Variants in KCNIP1 observed in about 807,000 individuals in gnomAD.
KCNIP1 encodes potassium voltage-gated channel interacting protein 1, also known as A-type potassium channel modulatory protein KCNIP1.
In KCNIP1, 18 loss-of-function variants were observed where a neutral mutation model predicts 33.0. That is an observed-to-expected ratio of 0.55 (90% confidence interval 0.38 to 0.81). The LOEUF (loss-of-function observed/expected upper bound fraction) is 0.81. KCNIP1 is among the 30% of genes least tolerant of loss of function. The pLI is 0.00. For missense variants in KCNIP1, 238 were observed against 271.6 expected (o/e 0.88, Z 0.87); for synonymous variants, 93 against 98.3 (o/e 0.95, Z 0.32).
intron 1 of KCNIP1, among the ~76,000 whole-genome samples, chr5:170,403,760 G>A (rs1286849150): frequency 2.6e-5 from 4 of 152,160 alleles, no homozygotes; most frequent in African/African-American, 7.2e-5. Flanking sequence ...AGGAAGAACC[G>A]AACTATAGTT....
intron 1 of KCNIP1, among the ~76,000 whole-genome samples, chr5:170,471,602 C>T (rs1303273119): frequency 6.6e-6 from 1 of 152,182 alleles, no homozygotes; most frequent in African/African-American, 2.4e-5. Flanking sequence ...CTCCACATGC[C>T]AGTCTGCAAG....
At chr5:170,465,719 C>T (rs1037043447) in intron 1 of KCNIP1, among the ~76,000 whole-genome samples, 6 of 152,040 alleles carry the variant, frequency 3.9e-5, no homozygotes, top group South Asian at 2.1e-4. Flanking sequence ...TATCTGGGTC[C>T]GGAGGGCAGA....
intron 3 of KCNIP1, 169 bp from the exon 4 acceptor site, chr5:170,721,664 C>A: frequency 6.9e-7 from 1 of 1,445,076 alleles, no homozygotes; most frequent in Non-Finnish European, 9.5e-7. Context: ...TCTAACTTCA[C>A]ACCCAAACCC....
At chr5:170,714,398 A>C (rs1315015528) in intron 1 of KCNIP1, among the ~76,000 whole-genome samples, 1 of 152,206 alleles carries the variant, frequency 6.6e-6, no homozygotes, top group Non-Finnish European at 1.5e-5. Context: ...ACGACTTAGG[A>C]CTCAGACAAA....
chr5:170,447,814 C>A (rs545804138), intron 1 of KCNIP1, among the ~76,000 whole-genome samples: 2 of 151,914 alleles, frequency 1.3e-5, no homozygotes, highest in African/African-American at 4.8e-5. Context: ...ACAAATGAGA[C>A]CTTGACTGAG....
intron 1 of KCNIP1, among the ~76,000 whole-genome samples, chr5:170,664,363 G>A (rs191804136): frequency 4.0e-4 from 61 of 152,196 alleles, no homozygotes; most frequent in Non-Finnish European, 7.8e-4. Flanking sequence ...TTCTCACTGA[G>A]CCTCCTCCCT....
At chr5:170,679,581 C>A (rs114953072) in intron 1 of KCNIP1, among the ~76,000 whole-genome samples, 4 of 151,370 alleles carry the variant, frequency 2.6e-5, no homozygotes, top group South Asian at 4.2e-4. Flanking sequence ...AACTAAAATG[C>A]TCAATTATTA....
chr5:170,451,525 T>C (rs923825661), intron 1 of KCNIP1, among the ~76,000 whole-genome samples: 3 of 151,986 alleles, frequency 2.0e-5, no homozygotes, highest in African/African-American at 4.8e-5. Flanking sequence ...GGTGTGTTCC[T>C]GGTCTTTGGC....
chr5:170,510,519 A>G (rs528927413), intron 1 of KCNIP1, among the ~76,000 whole-genome samples: 154 of 152,344 alleles, frequency 1.0e-3, no homozygotes, highest in African/African-American at 3.5e-3. Flanking sequence ...CCCATTCATC[A>G]GGCAGGGAAG....
chr5:170,659,192 C>T (rs1477666514), intron 1 of KCNIP1, among the ~76,000 whole-genome samples: 2 of 152,070 alleles, frequency 1.3e-5, no homozygotes, highest in African/African-American at 4.8e-5. Flanking sequence ...TGGGCATTGT[C>T]CCAAGAGCCT....
exon 1 of KCNIP1, chr5:170,353,603 G>A (rs977697748): frequency 1.7e-5 from 9 of 537,796 alleles, no homozygotes; most frequent in Non-Finnish European, 2.7e-5. Flanking sequence ...GTGCTGTCCC[G>A]GCCCTGGCAT....
chr5:170,507,418 T>C (rs1348704738), intron 1 of KCNIP1, among the ~76,000 whole-genome samples: 2 of 152,340 alleles, frequency 1.3e-5, no homozygotes, highest in East Asian at 3.9e-4. Flanking sequence ...GAGGTACTAT[T>C]CAATTTATGG....
At chr5:170,493,270 G>C (rs1757244922) in intron 1 of KCNIP1, among the ~76,000 whole-genome samples, 1 of 152,174 alleles carries the variant, frequency 6.6e-6, no homozygotes, top group Admixed American at 6.5e-5. Context: ...TTGCACAATG[G>C]GTTCTCAGAT....
intron 5 of KCNIP1, among the ~76,000 whole-genome samples, chr5:170,729,726 T>A (rs960822193): frequency 6.7e-6 from 1 of 149,422 alleles, no homozygotes; most frequent in South Asian, 2.1e-4. Flanking sequence ...TGTAAAGTCT[T>A]TGTTGAAGGT....
intron 1 of KCNIP1, among the ~76,000 whole-genome samples, chr5:170,573,458 A>T (rs1757488983): frequency 6.6e-6 from 1 of 150,690 alleles, no homozygotes; most frequent in African/African-American, 2.5e-5. Context: ...TACAAAATTT[A>T]AAATTTTTCA....
intron 1 of KCNIP1, among the ~76,000 whole-genome samples, chr5:170,528,803 T>C (rs1391569233): frequency 6.6e-6 from 1 of 152,194 alleles, no homozygotes; most frequent in Non-Finnish European, 1.5e-5. Flanking sequence ...GAAGAATTCT[T>C]TAAGGGGTTG....
At chr5:170,478,910 A>T (rs1303939953) in intron 1 of KCNIP1, among the ~76,000 whole-genome samples, 1 of 97,114 alleles carries the variant, frequency 1.0e-5, no homozygotes, top group South Asian at 2.6e-4. Flanking sequence ...AAAGGAAGAT[A>T]AAAAAAAAAA....
chr5:170,649,467 A>T (rs1760944444), intron 1 of KCNIP1, among the ~76,000 whole-genome samples: 2 of 152,146 alleles, frequency 1.3e-5, no homozygotes, highest in African/African-American at 2.4e-5. Flanking sequence ...TGAAGGAGTG[A>T]GTGGGAGCTG....
intron 1 of KCNIP1, among the ~76,000 whole-genome samples, chr5:170,441,830 T>A (rs1755997597): frequency 6.6e-6 from 1 of 151,504 alleles, no homozygotes; most frequent in Non-Finnish European, 1.5e-5. Flanking sequence ...CGGGCACCTG[T>A]AGTCCTAGCT....
Sources: gnomAD v4.1 joint callset for allele counts (sites outside exome capture counted in the v4.1 genomes callset) on GRCh38, gnomAD v4.1.1 for gene constraint, MANE v1.5 for transcripts, NCBI Gene and HGNC (gene_info 2026-07-23, HGNC 2026-07-21) for gene names.